Variants in EPHA5 observed in about 807,000 individuals in gnomAD.
EPHA5 encodes ephrin type-A receptor 5.
In EPHA5, 60 loss-of-function variants were observed where a neutral mutation model predicts 105.0. That is an observed-to-expected ratio of 0.57 (90% CI 0.46 to 0.71). EPHA5 has a LOEUF of 0.71. Among genes scored for constraint, EPHA5 ranks in the 30% least tolerant of loss-of-function variants. EPHA5 has a pLI of 0.00. For missense variants in EPHA5, 1,218 were observed against 1,274.7 expected (o/e 0.96, Z 0.68); for synonymous variants, 513 against 449.1 (o/e 1.14, Z -1.80).
intron 2 of EPHA5, among the ~76,000 whole-genome samples, chr4:65,611,524 C>CAAA (rs5858974): frequency 8.5e-6 from 1 of 117,858 alleles, no homozygotes; most frequent in African/African-American, 3.1e-5. Context: ...GTTGTTCTGG[C>CAAA]AAAAAAAAAA....
chr4:65,486,837 T>A, intron 5 of EPHA5, among the ~76,000 whole-genome samples: 1 of 152,204 alleles, frequency 6.6e-6, no homozygotes. Context: ...CCTTCCCAAA[T>A]CTCATGTTTA....
At chr4:65,555,526 C>A (rs1231171719) in intron 3 of EPHA5, among the ~76,000 whole-genome samples, 2 of 150,520 alleles carry the variant, frequency 1.3e-5, no homozygotes, top group African/African-American at 4.9e-5. Flanking sequence ...AACAATCCTG[C>A]ATATGTACCC....
intron 3 of EPHA5, among the ~76,000 whole-genome samples, chr4:65,518,672 C>T (rs1012349818): frequency 2.0e-5 from 3 of 151,914 alleles, no homozygotes; most frequent in African/African-American, 4.8e-5. Flanking sequence ...AGGAAATGTA[C>T]CCTTTAAATA....
chr4:65,530,143 A>T (rs71612727), intron 3 of EPHA5, among the ~76,000 whole-genome samples: 2,758 of 152,242 alleles, frequency 0.018, 47 homozygotes, highest in Non-Finnish European at 0.03. Flanking sequence ...ATTTAGTTCA[A>T]ACTATTTTGG....
chr4:65,593,025 G>A (rs1451641934), intron 3 of EPHA5, among the ~76,000 whole-genome samples: 1 of 152,094 alleles, frequency 6.6e-6, no homozygotes, highest in East Asian at 1.9e-4. Flanking sequence ...TTTATACATT[G>A]AACTCATTAG....
At position 65,467,404 on chromosome 4, in the gene EPHA5, A is replaced by G. The variant is rs552390764; in HGVS notation, c.1402+22973T>C. Among the ~76,000 whole-genome samples the G allele has an allele frequency of 2.0e-5, 3 of 152,278 alleles. No homozygotes were observed. In the South Asian group the frequency reaches 6.2e-4, roughly 32 times the overall value. On this transcript the variant is annotated intron_variant, in intron 5 of 16. Transcript: ENST00000613740. Reference sequence around the variant, plus strand: ...TAGCTTCTCCCATTAAGGGTGGAATACTTGGATTTCCCACCATTTGAATCT... The same window carrying G: ...TAGCTTCTCCCATTAAGGGTGGAATGCTTGGATTTCCCACCATTTGAATCT...
chr4:65,348,848 C>A (rs1229518331), intron 13 of EPHA5, among the ~76,000 whole-genome samples: 4 of 114,082 alleles, frequency 3.5e-5, no homozygotes, highest in African/African-American at 1.4e-4. Flanking sequence ...CAGGGTCTCG[C>A]TCTGTCTCCT....
rs1281456118 is a variant in EPHA5 at position 65,351,533 on chromosome 4, C to A, written c.2301G>T (p.Met767Ile). ...VGMLRGISAG[M>I]KYLSDMGYVH... ...CATAGCCCATGTCAGAAAGGTACTT[C>A]ATTCCTGCAGAGATACCTCTCAGCA... Residue 767 changes from methionine to isoleucine, a missense_variant, in exon 13 of 17, where the codon ATG becomes ATT. Met to Ile is a conservative substitution (Grantham distance 10, BLOSUM62 1). Coordinates refer to ENST00000613740, the MANE Select transcript of EPHA5 (RefSeq NM_001281766.3). 1.9e-6 allele frequency: 3 copies of A among 1,613,734 alleles called. No homozygotes were observed. The highest frequency in any genetic ancestry group is 1.7e-6 in the Non-Finnish European group (2 of 1,179,784).
intron 2 of EPHA5, among the ~76,000 whole-genome samples, chr4:65,632,859 G>C (rs546284071): frequency 1.3e-5 from 2 of 152,074 alleles, no homozygotes; most frequent in Non-Finnish European, 2.9e-5. Context: ...GCTGTACCTT[G>C]AAAAAATGAT....
At chr4:65,651,812 T>C (rs554782250) in intron 1 of EPHA5, among the ~76,000 whole-genome samples, 41 of 152,250 alleles carry the variant, frequency 2.7e-4, no homozygotes, top group Middle Eastern at 6.8e-3. Flanking sequence ...GAATTGTTAA[T>C]AGCCTAAAAA....
chr4:65,453,745 G>A (rs545152106), intron 5 of EPHA5, among the ~76,000 whole-genome samples: 14 of 152,242 alleles, frequency 9.2e-5, no homozygotes, highest in African/African-American at 3.4e-4. Flanking sequence ...AGGGGAGAAG[G>A]GATGCAAGAC....
In EPHA5 at chr4:65,423,952, T is replaced by C. The variant is rs187560406; in HGVS notation, c.1403-3387A>G. 3.9e-5 allele frequency among the ~76,000 whole-genome samples: 6 copies of C among 152,082 alleles called. No individual in the cohort carries two copies. In the East Asian group the frequency reaches 1.2e-3, roughly 29 times the overall value. On this transcript the variant is annotated intron_variant, in intron 5 of 16. Transcript: ENST00000613740. ...ATACATATTCCTATACATAACTACCTATATCTATATTAACCTAAAGATGCA... is the reference window on the plus strand; with the variant it reads ...ATACATATTCCTATACATAACTACCCATATCTATATTAACCTAAAGATGCA...
At chr4:65,586,074 T>G (rs373146686) in intron 3 of EPHA5, among the ~76,000 whole-genome samples, 1 of 151,500 alleles carries the variant, frequency 6.6e-6, no homozygotes, top group Non-Finnish European at 1.5e-5. Flanking sequence ...CTTAGGGAAA[T>G]TGGATTTGCA....
At chr4:65,611,166 C>T (rs911000940) in intron 2 of EPHA5, among the ~76,000 whole-genome samples, 2 of 152,072 alleles carry the variant, frequency 1.3e-5, no homozygotes, top group African/African-American at 4.8e-5. Context: ...TGGGCACACA[C>T]CCACGATTAA....
At chr4:65,634,839 C>T (rs1746971945) in intron 2 of EPHA5, among the ~76,000 whole-genome samples, 1 of 151,844 alleles carries the variant, frequency 6.6e-6, no homozygotes, top group Non-Finnish European at 1.5e-5. Context: ...TCCTTTCTTT[C>T]AGTAGGAAGC....
At chr4:65,389,314 C>A (rs1018517403) in intron 8 of EPHA5, among the ~76,000 whole-genome samples, 7 of 151,898 alleles carry the variant, frequency 4.6e-5, no homozygotes, top group Non-Finnish European at 1.0e-4. Context: ...TGGTAAAATT[C>A]CAGTATATCT....
chr4:65,407,889 G>A (rs1045016591), intron 7 of EPHA5, among the ~76,000 whole-genome samples: 1 of 151,648 alleles, frequency 6.6e-6, no homozygotes, highest in Non-Finnish European at 1.5e-5. Context: ...CCGAGTAGCT[G>A]GGACTACAGG....
rs542447771 is a variant in EPHA5 at position 65,399,368 on chromosome 4, G to T, written c.1793+5006C>A. 8.5e-5 allele frequency among the ~76,000 whole-genome samples: 13 copies of T among 152,300 alleles called. No individual in the cohort carries two copies. The South Asian group carries it at 1.7e-3, about 19-fold the overall frequency. On this transcript the variant is annotated intron_variant, in intron 8 of 16. Transcript: ENST00000613740. ...CCCCTCACTGCTCCATGCCTGGCTT[G>T]CCCTTTGCAATTGTGGGATTCAGGC... is the stretch of plus-strand genomic sequence containing the variant.
chr4:65,413,774 C>A (rs569103618), intron 7 of EPHA5, among the ~76,000 whole-genome samples: 178 of 152,026 alleles, frequency 1.2e-3, no homozygotes, highest in African/African-American at 4.1e-3. Context: ...AAAAGTGATT[C>A]AAAAAGGGTG....
Sources: gnomAD v4.1 joint callset for allele counts (sites outside exome capture counted in the v4.1 genomes callset) on GRCh38, gnomAD v4.1.1 for gene constraint, MANE v1.5 for transcripts, NCBI Gene and HGNC (gene_info 2026-07-23, HGNC 2026-07-21) for gene names.